KIF1A: variants seen among roughly 807,000 people sequenced by gnomAD.
KIF1A encodes kinesin-like protein KIF1A.
In KIF1A, 46 loss-of-function variants were observed where a neutral mutation model predicts 227.3. That is an observed-to-expected ratio of 0.20 (90% CI 0.16 to 0.26). The LOEUF is 0.26. Among genes scored for constraint, KIF1A ranks in the 10% least tolerant of loss-of-function variants. The pLI is 1.00. For missense variants in KIF1A, 1,683 were observed against 2,485.9 expected, an observed-to-expected ratio of 0.68 and a Z score of 6.87; for synonymous variants, 1,022 against 1,012.8, an observed-to-expected ratio of 1.01 and a Z score of -0.17.
At chr2:240,738,861 T>C (rs1404385695) in intron 37 of KIF1A, among the ~76,000 whole-genome samples, 2 of 152,182 alleles carry the variant, frequency 1.3e-5, no homozygotes, top group African/African-American at 4.8e-5. Flanking sequence ...CTGTCTGCCT[T>C]GAGGGAAGTG....
At chr2:240,770,821 T>C in intron 15 of KIF1A, 150 bp downstream of exon 15, 1 of 940,040 alleles carries the variant, frequency 1.1e-6, no homozygotes, top group Admixed American at 2.7e-5. Flanking sequence ...ACTGGGCACC[T>C]GGGTGGCCAC....
chr2:240,762,595 A>C, intron 23 of KIF1A, 124 bp downstream of exon 23: 3 of 1,318,920 alleles, frequency 2.3e-6, no homozygotes, highest in Non-Finnish European at 3.0e-6. Flanking sequence ...CTTTCCCTAA[A>C]GAGACAGGTC....
Position 240,719,001 on chromosome 2 carries a change from C to T in KIF1A, c.5214+5G>A, listed in dbSNP as rs1420863157. ...TGCCCGAGCCTGAGCCGGGCCCAGCCGCACCTTGAGCATAGCCTGCTGGTC... is the reference window on the plus strand; with the variant it reads ...TGCCCGAGCCTGAGCCGGGCCCAGCTGCACCTTGAGCATAGCCTGCTGGTC... On this transcript the variant is annotated splice_donor_5th_base_variant and intron_variant, in intron 47 of 48. Transcript: ENST00000498729. 1 of 1,598,242 alleles carries T rather than the reference C, an allele frequency of 6.3e-7. No individual in the cohort carries two copies. Among genetic ancestry groups the T allele is most frequent in the Admixed American group, 1.7e-5 (1 of 59,544 alleles).
At chr2:240,749,469 G>A (rs2048973876) in intron 28 of KIF1A, among the ~76,000 whole-genome samples, 2 of 152,166 alleles carry the variant, frequency 1.3e-5, no homozygotes, top group African/African-American at 4.8e-5. Flanking sequence ...GTGTCTGTCT[G>A]TCTGTACTAC....
chr2:240,738,083 G>A (rs1444212571), intron 37 of KIF1A, among the ~76,000 whole-genome samples: 1 of 152,210 alleles, frequency 6.6e-6, no homozygotes, highest in African/African-American at 2.4e-5. Context: ...CAGTGCCCAT[G>A]GCAGGGAAGA....
At position 240,789,312 on chromosome 2, in the gene KIF1A, G is replaced by T; in HGVS notation, c.107C>A (p.Thr36Asn). Residue 36 changes from threonine (T) to asparagine (N), a missense_variant and splice_region_variant, in exon 3 of 49, where the codon ACC becomes AAC. Physicochemically the swap from Thr to Asn is moderately conservative, Grantham distance 65. This residue lies in a region of KIF1A where 71 missense variants were observed against 129.1 expected (regional missense o/e 0.55). Transcript: ENST00000498729. The surrounding 1 kb of genome is among the most constrained non-coding windows in gnomAD (Gnocchi z 4.8). Reference protein sequence around the residue: ...CIIQMSGSTTTIVNPKQPKET... With the variant: ...CIIQMSGSTTNIVNPKQPKET... ...CTTGGGCTGTTTGGGGTTAACAATG[G>T]CTGTGGGAGGGAACACAGGTGGTTA... is the stretch of plus-strand genomic sequence containing the variant. The T allele has an allele frequency of 6.2e-7, 1 of 1,613,262 alleles. No homozygotes were observed. The highest frequency in any genetic ancestry group is 8.5e-7 in the Non-Finnish European group (1 of 1,179,222).
Position 240,741,380 on chromosome 2 carries a change from G to A in KIF1A, c.3641-3C>T. On this transcript the variant is annotated splice_polypyrimidine_tract_variant and splice_region_variant and intron_variant, in intron 34 of 48. Coordinates refer to ENST00000498729, the MANE Select transcript of KIF1A (RefSeq NM_001244008.2). Reference sequence around the variant, plus strand: ...TGTGCTGAGCTTGGTGGCGGGCACTGTAGGGACAGGAGGGAGGCATGCATG... The same window carrying A: ...TGTGCTGAGCTTGGTGGCGGGCACTATAGGGACAGGAGGGAGGCATGCATG... 6.4e-7 allele frequency: 1 copy of A among 1,556,334 alleles called. No individual in the cohort carries two copies. The highest frequency in any genetic ancestry group is 8.7e-7 in the Non-Finnish European group (1 of 1,154,786).
At chr2:240,724,931 CGGCGGGGG>C (rs1436386112) in intron 40 of KIF1A, 97 of 42,034 alleles carry the variant, frequency 2.3e-3, no homozygotes, top group East Asian at 0.022. Context: ...AGGTCACCGG[CGGCGGGGG>C]GGGGGGGGGG....
intron 45 of KIF1A, 24 bp from the exon 46 acceptor site, chr2:240,719,950 C>T (rs1229865213): frequency 6.3e-7 from 1 of 1,577,572 alleles, no homozygotes; most frequent in East Asian, 2.3e-5. Context: ...GGAAGTGCTG[C>T]CCACTGCAGG....
intron 47 of KIF1A, among the ~76,000 whole-genome samples, 192 bp from the exon 48 acceptor site, chr2:240,718,360 C>T (rs544637944): frequency 7.7e-4 from 117 of 152,306 alleles, no homozygotes; most frequent in African/African-American, 2.8e-3. Flanking sequence ...CATCTGCGGC[C>T]GGTGGTCCCA....
At chr2:240,787,123 G>T (rs1366431714) in intron 5 of KIF1A, 128 bp downstream of exon 5, 1 of 758,758 alleles carries the variant, frequency 1.3e-6, no homozygotes, top group East Asian at 2.6e-5. Context: ...CCTGCCACTT[G>T]GATGAGTGAG....
At position 240,721,812 on chromosome 2, in the gene KIF1A, T is replaced by C; in HGVS notation, c.4738A>G (p.Ser1580Gly). 1 of 1,604,310 alleles carries C rather than the reference T, an allele frequency of 6.2e-7. No individual in the cohort carries two copies. Among genetic ancestry groups the C allele is most frequent in the Non-Finnish European group, 8.5e-7 (1 of 1,178,848 alleles). ...TGCAGCCCCTCTGCACCCACCTTGCTCTCGCTGGCACTGACGCAGACGTGG... is the reference window on the plus strand; with the variant it reads ...TGCAGCCCCTCTGCACCCACCTTGCCCTCGCTGGCACTGACGCAGACGTGG... ...HSHVCVSASE[S>G]KLSEMSVTLL... Residue 1580 changes from serine (S) to glycine (G), a missense_variant, in exon 44 of 49, where the codon AGC becomes GGC. Around this residue, in one of 12 missense-constraint regions of KIF1A, gnomAD observed 384 missense variants for 410.1 expected, o/e 0.94. Transcript: ENST00000498729.
At position 240,766,942 on chromosome 2, in the gene KIF1A, G is replaced by A. The variant is rs369141291; in HGVS notation, c.1657C>T (p.Arg553Trp). The A allele has an allele frequency of 2.1e-5, 34 of 1,611,454 alleles. No homozygotes were observed. The highest frequency in any genetic ancestry group is 6.7e-5 in the East Asian group (3 of 44,820). ...HFIKEEHCVF[R>W]SDSRGGSEAV... ...TCGCTGCCTCCCCTGGAGTCGCTCC[G>A]GAAGACGCAGTGCTCCTCCTTGATG... Residue 553 changes from arginine to tryptophan, a missense_variant, in exon 19 of 49, where the codon CGG (arginine) becomes TGG (tryptophan). By Grantham distance (101) the Arg-to-Trp change is moderately radical. Around this residue, in one of 12 missense-constraint regions of KIF1A, gnomAD observed 217 missense variants for 427.0 expected, o/e 0.51. Transcript: ENST00000498729. This position sits in a 1 kb window ranked among gnomAD's most constrained non-coding sequence, Gnocchi z 5.0.
chr2:240,761,196 A>C lies in KIF1A; in HGVS notation c.2265+33T>G, dbSNP rs550818480. 29 of 1,594,284 alleles carry C rather than the reference A, an allele frequency of 1.8e-5. No homozygotes were observed. The Admixed American group carries it at 1.9e-4, about 10-fold the overall frequency. On this transcript the variant is annotated intron_variant, in intron 24 of 48. Coordinates refer to ENST00000498729, the MANE Select transcript of KIF1A (RefSeq NM_001244008.2). ...ATGAGTGAGGTGACACACTCTCTCC[A>C]ACAGGAAACGGTACAGCCAGTGGGC...
chr2:240,733,421 C>T (rs2046980655), intron 38 of KIF1A, among the ~76,000 whole-genome samples: 1 of 152,178 alleles, frequency 6.6e-6, no homozygotes, highest in Admixed American at 6.5e-5. Flanking sequence ...GTGCTCCCTC[C>T]TCAGCCCAGC....
At position 240,722,135 on chromosome 2, in the gene KIF1A, C is replaced by T. The variant is rs556872617; in HGVS notation, c.4666-251G>A. ...GCTGTGCTGCCTCCAGTGCAGGAGGCGCAGGAAGCCTTCCCAGAGGCCCGT... is the reference window on the plus strand; with the variant it reads ...GCTGTGCTGCCTCCAGTGCAGGAGGTGCAGGAAGCCTTCCCAGAGGCCCGT... On this transcript the variant is annotated intron_variant, in intron 43 of 48. Transcript: ENST00000498729. Among the ~76,000 whole-genome samples the T allele has an allele frequency of 6.6e-5, 10 of 152,294 alleles. No individual in the cohort carries two copies. In the South Asian group the frequency reaches 1.0e-3, roughly 16 times the overall value.
rs866352291 is a variant in KIF1A, at chr2:240,739,871, G to A, written c.3901+187C>T. Reference sequence around the variant, plus strand: ...CTGATTAAACAGAAATTTGCAGATCGTCACCCAGGTCCAAGGCTCTCCTTT... The same window carrying A: ...CTGATTAAACAGAAATTTGCAGATCATCACCCAGGTCCAAGGCTCTCCTTT... On this transcript the variant is annotated intron_variant, in intron 37 of 48. Transcript: ENST00000498729. The surrounding 1 kb of genome is among the most constrained non-coding windows in gnomAD (Gnocchi z 5.6). Among the ~76,000 whole-genome samples the A allele has an allele frequency of 2.0e-5, 3 of 152,200 alleles. No individual in the cohort carries two copies. The highest frequency in any genetic ancestry group is 4.8e-5 in the African/African-American group (2 of 41,512).
At chr2:240,803,851 A>C (rs2057176377) in intron 1 of KIF1A, among the ~76,000 whole-genome samples, 1 of 152,256 alleles carries the variant, frequency 6.6e-6, no homozygotes, top group South Asian at 2.1e-4. Context: ...ACTTAACCTA[A>C]AAAGAATCAT....
chr2:240,765,908 C>A (rs2051112281), intron 19 of KIF1A, 115 bp from the exon 20 acceptor site: 4 of 734,894 alleles, frequency 5.4e-6, no homozygotes, highest in Non-Finnish European at 9.5e-6. Flanking sequence ...CCTCTCTTTT[C>A]CCTGCTACAC....
Sources: allele counts gnomAD v4.1 joint callset (sites outside exome capture counted in the v4.1 genomes callset), GRCh38; gene constraint gnomAD v4.1.1; regional missense constraint gnomAD v4.1.1; non-coding constraint Gnocchi (gnomAD v3.1); transcripts MANE v1.5; gene names NCBI Gene and HGNC (gene_info 2026-07-23, HGNC 2026-07-21).